The following UPF3B variants were observed in gnomAD, a reference collection of about 807,000 sequenced individuals.
The protein encoded by UPF3B is UPF3B regulator of nonsense mediated mRNA decay, also known as regulator of nonsense transcripts 3B.
UPF3B carries 7 observed loss-of-function variants against 40.3 expected under a neutral mutation model. That is an observed-to-expected ratio of 0.17 (90% CI 0.10 to 0.33). The LOEUF (loss-of-function observed/expected upper bound fraction) is 0.33. UPF3B is among the 10% of genes least tolerant of loss of function. UPF3B has a pLI of 1.00. For synonymous variants in UPF3B, 117 were observed against 117.3 expected, an observed-to-expected ratio of 1.00 and a Z score of 0.01; for missense variants, 229 against 358.9, an observed-to-expected ratio of 0.64 and a Z score of 2.93.
chrX:119,817,089 C>T (rs1325500493), intron 4 of UPF3B, among the ~76,000 whole-genome samples: 1 of 111,568 alleles, frequency 9.0e-6, no homozygotes, highest in Non-Finnish European at 1.9e-5. Flanking sequence ...CCTGCCTCAG[C>T]CTCCTGAGTA....
intron 5 of UPF3B, among the ~76,000 whole-genome samples, chrX:119,812,257 A>G (rs1006687802): frequency 2.4e-4 from 26 of 106,533 alleles, no homozygotes; most frequent in African/African-American, 9.1e-4. Context: ...TGTCTTAAAA[A>G]AAAAAGAAAA....
intron 4 of UPF3B, among the ~76,000 whole-genome samples, chrX:119,817,065 G>T (rs1290435503): frequency 1.8e-5 from 2 of 111,673 alleles, no homozygotes; most frequent in South Asian, 7.4e-4. Context: ...TGCCCTTCAG[G>T]TTTAGGCGCT....
At chrX:119,810,159 C>T (rs759980288) in intron 5 of UPF3B, among the ~76,000 whole-genome samples, 2 of 112,166 alleles carry the variant, frequency 1.8e-5, no homozygotes, top group African/African-American at 3.2e-5. Context: ...ATTGGTTCAG[C>T]TTACAGAATT....
intron 6 of UPF3B, among the ~76,000 whole-genome samples, chrX:119,807,031 AAAAAAAAAAAAAAAAAAAAAG>A (rs2055797330): frequency 1.0e-5 from 1 of 96,057 alleles, no homozygotes; most frequent in Admixed American, 1.1e-4. Flanking sequence ...CCTGTCTAAA[AAAAAAAAAAAAAAAAAAAAAG>A]AAAAAAAAAA....
At chrX:119,826,092 C>G (rs772150746) in intron 3 of UPF3B, among the ~76,000 whole-genome samples, 1 of 111,492 alleles carries the variant, frequency 9.0e-6, no homozygotes, top group East Asian at 2.8e-4. Context: ...GCCCGGGAGG[C>G]GGAGCTTGCA....
chrX:119,852,004 T>G (rs2056310181), intron 1 of UPF3B, 131 bp from the exon 2 acceptor site: 2 of 496,570 alleles, frequency 4.0e-6, no homozygotes, highest in South Asian at 3.0e-5. Flanking sequence ...GAGAAAATAT[T>G]CTTCTGCAGC....
downstream of UPF3B, among the ~76,000 whole-genome samples, chrX:119,833,241 C>T (rs769193631): frequency 8.9e-6 from 1 of 112,490 alleles, no homozygotes; most frequent in East Asian, 2.8e-4. Flanking sequence ...CCTTTATTTC[C>T]AAAGAAATCA....
intron 4 of UPF3B, among the ~76,000 whole-genome samples, chrX:119,816,782 C>G (rs189540935): frequency 1.8e-5 from 2 of 111,258 alleles, no homozygotes; most frequent in Admixed American, 9.6e-5. Flanking sequence ...TAGAGCTTAC[C>G]TTTTGGCTTC....
chrX:119,821,199 C>T (rs973654627), intron 4 of UPF3B, among the ~76,000 whole-genome samples: 1 of 111,816 alleles, frequency 8.9e-6, no homozygotes, highest in Admixed American at 9.5e-5. Context: ...ATGCCTGCTC[C>T]TGCTTCACTT....
At chrX:119,838,631 CT>C in intron 8 of UPF3B, 104 bp from the exon 9 acceptor site, 1 of 816,903 alleles carries the variant, frequency 1.2e-6, no homozygotes, top group Non-Finnish European at 1.8e-6. Flanking sequence ...ACAAAGCCCC[CT>C]ATCTCTGCAG....
At chrX:119,833,565 G>A (rs890395574), downstream of UPF3B, among the ~76,000 whole-genome samples, 3 of 111,525 alleles carry the variant, frequency 2.7e-5, no homozygotes, top group African/African-American at 9.8e-5. Flanking sequence ...GGAGTGCAGA[G>A]GCACAATCTT....
chrX:119,840,793 C>G, intron 7 of UPF3B, 109 bp from the exon 8 acceptor site: 1 of 816,220 alleles, frequency 1.2e-6, no homozygotes, highest in South Asian at 2.2e-5. Flanking sequence ...CCCTCATTTA[C>G]TATGAATTTA....
At chrX:119,837,635 A>G in intron 10 of UPF3B, 122 bp downstream of exon 10, 1 of 679,816 alleles carries the variant, frequency 1.5e-6, no homozygotes, top group Non-Finnish European at 2.2e-6. Flanking sequence ...AAAAAAAAAA[A>G]GTTGCAGATG....
exon 6 of UPF3B, chrX:119,807,571 C>T (rs2055802790): frequency 1.2e-6 from 1 of 814,654 alleles, no homozygotes; most frequent in Admixed American, 6.1e-5. Context: ...AAGCTTCATC[C>T]CTGGATGATC....
chrX:119,818,165 C>T (rs1226581174), intron 4 of UPF3B, among the ~76,000 whole-genome samples: 5 of 110,863 alleles, frequency 4.5e-5, no homozygotes, highest in African/African-American at 9.9e-5. Flanking sequence ...CTCAGGAGGC[C>T]GAGGCAGGAG....
chrX:119,848,914 G>A (rs2056267512), intron 3 of UPF3B, among the ~76,000 whole-genome samples: 1 of 111,417 alleles, frequency 9.0e-6, no homozygotes, highest in Non-Finnish European at 1.9e-5. Flanking sequence ...ACTACCTTGT[G>A]AATATACCAG....
chrX:119,850,871 T>A (rs894577423), intron 3 of UPF3B, among the ~76,000 whole-genome samples: 3 of 112,031 alleles, frequency 2.7e-5, no homozygotes, highest in Non-Finnish European at 5.6e-5. Context: ...CCCAAGTAGC[T>A]GGGATTACAG....
At chrX:119,827,738 T>C (rs2055993577) in intron 3 of UPF3B, among the ~76,000 whole-genome samples, 1 of 110,125 alleles carries the variant, frequency 9.1e-6, no homozygotes, top group African/African-American at 3.3e-5. Context: ...TTTTTCCTCT[T>C]CTTTATTTTT....
chrX:119,842,853 G>GT (rs1301428320), intron 5 of UPF3B, among the ~76,000 whole-genome samples: 7 of 110,993 alleles, frequency 6.3e-5, no homozygotes, highest in African/African-American at 2.3e-4. Flanking sequence ...TCATTTTTTC[G>GT]TATTTTCAAG....
Sources: gnomAD v4.1 joint callset for allele counts (sites outside exome capture counted in the v4.1 genomes callset) on GRCh38, gnomAD v4.1.1 for gene constraint, MANE v1.5 for transcripts, NCBI Gene and HGNC (gene_info 2026-07-23, HGNC 2026-07-21) for gene names.